ANKRD18A: variants seen among roughly 807,000 people sequenced by gnomAD.
ANKRD18A encodes the protein ankyrin repeat domain-containing protein 18A.
Under a neutral mutation model 110.6 loss-of-function variants are expected in ANKRD18A, and 72 were observed. The observed-to-expected ratio is 0.65, with a 90% CI of 0.54 to 0.79. The LOEUF (loss-of-function observed/expected upper bound fraction) is 0.79, where lower values mean the gene tolerates loss of function less well. Ranked by LOEUF, ANKRD18A falls within the 30% of genes least tolerant of loss-of-function variation. The probability of loss-of-function intolerance (pLI) is 0.00; values close to 1 mark genes in which losing one functional copy is unlikely to be tolerated. For missense variants in ANKRD18A, 934 were observed against 1,163.3 expected (o/e 0.80, Z 2.87); for synonymous variants, 305 against 410.3 (o/e 0.74, Z 3.10).
intron 15 of ANKRD18A, chr9:38,573,160 G>A (rs1823727241): frequency 6.4e-6 from 7 of 1,091,744 alleles, no homozygotes; most frequent in Non-Finnish European, 7.3e-6. Context: ...TAATAATAAT[G>A]TTTAAGTTAA....
intron 1 of ANKRD18A, among the ~76,000 whole-genome samples, chr9:38,616,469 T>C (rs1042785299): frequency 6.6e-6 from 1 of 152,268 alleles, no homozygotes; most frequent in African/African-American, 2.4e-5. Flanking sequence ...CTTTTGTTTG[T>C]TGAGACACGG....
chr9:38,610,398 T>A lies in ANKRD18A; in HGVS notation c.615A>T (p.Ile205=). ...TTGACAAGTTATGCTGTACTGCAAG[T>A]ATGAGGGCTGTTCTAAAATAATAAA... ...AVDNFKRTAL[I]LAVQHNLSSI... Residue 205 remains isoleucine, a synonymous_variant, in exon 5 of 16, where the codon ATA becomes ATT. Coordinates refer to ENST00000399703, the MANE Select transcript of ANKRD18A (RefSeq NM_147195.4). 1.3e-6 allele frequency: 2 copies of A among 1,544,052 alleles called. No homozygotes were observed. The highest frequency in any genetic ancestry group is 1.7e-6 in the Non-Finnish European group (2 of 1,145,062).
intron 10 of ANKRD18A, among the ~76,000 whole-genome samples, chr9:38,591,190 A>C (rs1401266329): frequency 6.7e-6 from 1 of 149,996 alleles, no homozygotes; most frequent in Non-Finnish European, 1.5e-5. Context: ...GGCTGGTCTC[A>C]AATTCCTGGG....
intron 7 of ANKRD18A, among the ~76,000 whole-genome samples, 200 bp downstream of exon 7, chr9:38,602,959 C>A (rs1294398744): frequency 1.3e-5 from 2 of 152,186 alleles, no homozygotes; most frequent in Non-Finnish European, 2.9e-5. Context: ...GAGCCACCGT[C>A]CCCAGCAACA....
chr9:38,589,643 C>T (rs1434197969), intron 10 of ANKRD18A, among the ~76,000 whole-genome samples: 1 of 152,224 alleles, frequency 6.6e-6, no homozygotes, highest in Non-Finnish European at 1.5e-5. Flanking sequence ...TTCCTGTGTA[C>T]ACCCCAAGGT....
At chr9:38,578,508 A>C (rs549064805) in intron 12 of ANKRD18A, among the ~76,000 whole-genome samples, 22 of 152,294 alleles carry the variant, frequency 1.4e-4, no homozygotes, top group Admixed American at 1.4e-3. Context: ...TGTCAAAAAA[A>C]CTTTCAGAGA....
downstream of ANKRD18A, chr9:38,566,516 CAT>C (rs1823487721): frequency 1.3e-5 from 2 of 152,216 alleles, no homozygotes; most frequent in Non-Finnish European, 2.9e-5. Context: ...CAAACCTTCT[CAT>C]CTGTCTTCTT....
chr9:38,612,985 A>G (rs1237341476), intron 3 of ANKRD18A, among the ~76,000 whole-genome samples: 1 of 151,834 alleles, frequency 6.6e-6, no homozygotes, highest in Non-Finnish European at 1.5e-5. Flanking sequence ...AAAACTTCTG[A>G]ATTCTAAAAT....
intron 5 of ANKRD18A, among the ~76,000 whole-genome samples, chr9:38,607,846 T>C (rs565648131): frequency 6.6e-6 from 1 of 152,336 alleles, no homozygotes; most frequent in South Asian, 2.1e-4. Context: ...TTCTAAAAAA[T>C]AAAGGTTTTA....
In ANKRD18A at chr9:38,585,862, C is replaced by T. The variant is rs544155453; in HGVS notation, c.2247+321G>A. On this transcript the variant is annotated intron_variant, in intron 12 of 15. Transcript: ENST00000399703. ...AATGAGATCATGCTTTTTGCAGGGACATGGATGAACTCGGAGCTGTTATCC... is the reference window on the plus strand; with the variant it reads ...AATGAGATCATGCTTTTTGCAGGGATATGGATGAACTCGGAGCTGTTATCC... Among the ~76,000 whole-genome samples, 15 of 152,200 alleles carry T rather than the reference C, an allele frequency of 9.9e-5. 1 individual carries two copies. In the South Asian group the frequency reaches 3.1e-3, roughly 32 times the overall value.
At position 38,620,307 on chromosome 9, in the gene ANKRD18A, C is replaced by A. The variant is rs1233790002; in HGVS notation, c.-22G>T. 6.5e-7 allele frequency: 1 copy of A among 1,547,774 alleles called. No individual in the cohort carries two copies. Among genetic ancestry groups the A allele is most frequent in the African/African-American group, 1.4e-5 (1 of 72,976 alleles). ...TCATGGTGGCGACTTCTCAGACGCC[C>A]ACCACCCGCTCCTGAGCCGCGGCGG... is the stretch of plus-strand genomic sequence containing the variant. On this transcript the variant is annotated 5_prime_UTR_variant, in exon 1 of 16. Transcript: ENST00000399703.
intron 9 of ANKRD18A, 41 bp downstream of exon 9, chr9:38,595,445 A>C (rs1824830540): frequency 1.4e-6 from 2 of 1,404,736 alleles, no homozygotes; most frequent in African/African-American, 1.5e-5. Context: ...TGAAATATTT[A>C]AATTTTCTTT....
chr9:38,615,563 C>T (rs759182418), intron 3 of ANKRD18A, 31 bp downstream of exon 3: 1 of 1,530,222 alleles, frequency 6.5e-7, no homozygotes, highest in Non-Finnish European at 8.8e-7. Flanking sequence ...TTAAAACAAA[C>T]ATTTTGAAAA....
At position 38,598,574 on chromosome 9, in the gene ANKRD18A, C is replaced by T. The variant is rs374479231; in HGVS notation, c.937-2171G>A. On this transcript the variant is annotated intron_variant, in intron 8 of 15. Coordinates refer to ENST00000399703, the MANE Select transcript of ANKRD18A (RefSeq NM_147195.4). ...GCCAGGAACTCTACTTGTAACAAGC[C>T]TATCTCATTCTTAAGCCTTTGCATA... Among the ~76,000 whole-genome samples the T allele has an allele frequency of 5.3e-5, 8 of 152,290 alleles. 1 individual carries two copies. The South Asian group carries it at 1.7e-3, about 32-fold the overall frequency.
chr9:38,588,908 TGA>T (rs886319980), intron 10 of ANKRD18A, among the ~76,000 whole-genome samples: 2 of 152,210 alleles, frequency 1.3e-5, no homozygotes, highest in African/African-American at 4.8e-5. Flanking sequence ...TTGTTAAAAA[TGA>T]GAGTTTTTAC....
chr9:38,611,754 G>T (rs1324927831), intron 3 of ANKRD18A, among the ~76,000 whole-genome samples: 1 of 152,136 alleles, frequency 6.6e-6, no homozygotes, highest in East Asian at 1.9e-4. Flanking sequence ...CTAGAGAAGT[G>T]TTTCTTAAAC....
At chr9:38,617,942 G>A (rs572000127) in intron 1 of ANKRD18A, among the ~76,000 whole-genome samples, 20 of 152,132 alleles carry the variant, frequency 1.3e-4, no homozygotes, top group African/African-American at 4.6e-4. Context: ...ATTTTGATAA[G>A]ACTACAACTA....
At chr9:38,579,254 GA>G (rs1329678126) in intron 12 of ANKRD18A, among the ~76,000 whole-genome samples, 2 of 152,136 alleles carry the variant, frequency 1.3e-5, no homozygotes, top group East Asian at 1.9e-4. Context: ...TAAACATAGG[GA>G]AAATGCTTCA....
chr9:38,610,420 T>A lies in ANKRD18A; in HGVS notation c.603-10A>T, dbSNP rs1238623424. The stretch of plus-strand genomic sequence containing the variant: ...AAGTATGAGGGCTGTTCTAAAATAA[T>A]AAAGAAATAACAGCACTCAAGAACT... On this transcript the variant is annotated splice_polypyrimidine_tract_variant and intron_variant, in intron 4 of 15. Transcript: ENST00000399703. 11 of 1,535,726 alleles carry A rather than the reference T, an allele frequency of 7.2e-6. No individual in the cohort carries two copies. Among genetic ancestry groups the A allele is most frequent in the Non-Finnish European group, 9.6e-6 (11 of 1,142,582 alleles).
Sources: allele counts gnomAD v4.1 joint callset (sites outside exome capture counted in the v4.1 genomes callset), GRCh38; gene constraint gnomAD v4.1.1; transcripts MANE v1.5; gene names NCBI Gene and HGNC (gene_info 2026-07-23, HGNC 2026-07-21).